Variants in OGDH observed in about 807,000 individuals in gnomAD.
OGDH encodes the protein oxoglutarate dehydrogenase.
In OGDH, 38 loss-of-function variants were observed where a neutral mutation model predicts 116.6. The observed-to-expected ratio is 0.33, with a 90% CI of 0.25 to 0.43. The LOEUF is 0.43. OGDH is among the 20% of genes least tolerant of loss of function. OGDH has a pLI of 1.00. For synonymous variants in OGDH, 488 were observed against 533.3 expected, an observed-to-expected ratio of 0.92 and a Z score of 1.17; for missense variants, 825 against 1,357.2, an observed-to-expected ratio of 0.61 and a Z score of 6.16.
chr7:44,688,764 G>A (rs1367507207), intron 10 of OGDH, among the ~76,000 whole-genome samples: 2 of 151,630 alleles, frequency 1.3e-5, no homozygotes, highest in Non-Finnish European at 2.9e-5. Flanking sequence ...TTTGTTTTTT[G>A]TGCCACCTAC....
intron 2 of OGDH, among the ~76,000 whole-genome samples, chr7:44,637,925 T>C (rs1029337297): frequency 6.6e-6 from 1 of 152,168 alleles, no homozygotes; most frequent in African/African-American, 2.4e-5. Context: ...CAGAATCCCA[T>C]AGCCCCTTGC....
chr7:44,707,505 A>C lies in OGDH; in HGVS notation c.2797-77A>C. ...CAGGTTCCTGACCTTCCCTGCTCGG[A>C]ACACCAGTTTCCCTTTGCTGGATCT... is the stretch of plus-strand genomic sequence containing the variant. On this transcript the variant is annotated intron_variant, in intron 21 of 22. Coordinates refer to ENST00000222673, the MANE Select transcript of OGDH (RefSeq NM_002541.4). The surrounding 1 kb of genome is among the most constrained non-coding windows in gnomAD (Gnocchi z 5.2). 1 of 1,599,468 alleles carries C rather than the reference A, an allele frequency of 6.3e-7. No individual in the cohort carries two copies. The highest frequency in any genetic ancestry group is 1.1e-5 in the South Asian group (1 of 89,554).
At chr7:44,668,010 C>G (rs1787259723) in intron 5 of OGDH, among the ~76,000 whole-genome samples, 1 of 152,174 alleles carries the variant, frequency 6.6e-6, no homozygotes. Flanking sequence ...GAACTGATAT[C>G]CAGGCCACAG....
At chr7:44,656,433 C>T in intron 4 of OGDH, 2 of 1,388,156 alleles carry the variant, frequency 1.4e-6, no homozygotes, top group South Asian at 2.5e-5. Context: ...GCAACTTTTC[C>T]TAGCATGCAA....
At chr7:44,695,343 G>A (rs1183249522) in intron 12 of OGDH, among the ~76,000 whole-genome samples, 1 of 152,104 alleles carries the variant, frequency 6.6e-6, no homozygotes, top group Non-Finnish European at 1.5e-5. Context: ...TGATCTGCCT[G>A]TCTTGGCCTC....
At chr7:44,649,184 A>G (rs1367395101) in intron 4 of OGDH, among the ~76,000 whole-genome samples, 1 of 150,752 alleles carries the variant, frequency 6.6e-6, no homozygotes, top group Non-Finnish European at 1.5e-5. Flanking sequence ...ACCTCTTCAG[A>G]GGAAAACCTC....
At chr7:44,651,027 C>T (rs576554569) in intron 4 of OGDH, among the ~76,000 whole-genome samples, 260 of 152,322 alleles carry the variant, frequency 1.7e-3, no homozygotes, top group Non-Finnish European at 2.3e-3. Flanking sequence ...TTGGTGCTTC[C>T]GTCAGAGCTT....
intron 1 of OGDH, among the ~76,000 whole-genome samples, chr7:44,618,066 C>G (rs539344616): frequency 6.6e-6 from 1 of 152,238 alleles, no homozygotes; most frequent in South Asian, 2.1e-4. Context: ...CGTTTAACAC[C>G]TAAAAACTAA....
At position 44,708,063 on chromosome 7, in the gene OGDH, A is replaced by T; in HGVS notation, c.*64A>T. 6.4e-7 allele frequency: 1 copy of T among 1,572,676 alleles called. No homozygotes were observed. Among genetic ancestry groups the T allele is most frequent in the Non-Finnish European group, 8.6e-7 (1 of 1,163,440 alleles). On this transcript the variant is annotated 3_prime_UTR_variant, in exon 23 of 23. Transcript: ENST00000222673. Reference sequence around the variant, plus strand: ...ACCCATGACTGCCCCTTGCTTCTCAACTAAAGAATAGTGCCTCAGCGCTGC... The same window carrying T: ...ACCCATGACTGCCCCTTGCTTCTCATCTAAAGAATAGTGCCTCAGCGCTGC...
At chr7:44,608,313 CGGGAGGATGGCATGAGCCA>C (rs1311525265) in intron 1 of OGDH, among the ~76,000 whole-genome samples, 1 of 151,970 alleles carries the variant, frequency 6.6e-6, no homozygotes, top group Non-Finnish European at 1.5e-5. Context: ...GAGGCTGAGG[CGGGAGGATGGCATGAGCCA>C]GGGAGGTCCA....
chr7:44,696,586 ATGT>A, intron 14 of OGDH, 29 bp downstream of exon 14: 1 of 1,613,716 alleles, frequency 6.2e-7, no homozygotes, highest in Non-Finnish European at 8.5e-7. Flanking sequence ...ACCTGTGGAA[ATGT>A]TGGGGCCCAG....
intron 9 of OGDH, among the ~76,000 whole-genome samples, chr7:44,679,583 G>A (rs1787842836): frequency 6.6e-6 from 1 of 152,206 alleles, no homozygotes; most frequent in Admixed American, 6.5e-5. Flanking sequence ...CGTAGGCTGA[G>A]GACACAGCAG....
At chr7:44,656,839 T>C (rs1786712132) in intron 4 of OGDH, among the ~76,000 whole-genome samples, 1 of 152,146 alleles carries the variant, frequency 6.6e-6, no homozygotes, top group Non-Finnish European at 1.5e-5. Context: ...CCAACTGAAG[T>C]ATTAATAAAA....
Position 44,694,309 on chromosome 7 carries a change from C to A in OGDH, c.1516-115C>A. 7.8e-7 allele frequency: 1 copy of A among 1,278,006 alleles called. No homozygotes were observed. 79.2% of individuals were successfully genotyped at this position (1,278,006 alleles called of 1,614,324 possible). On this transcript the variant is annotated intron_variant, in intron 11 of 22. Transcript: ENST00000222673. This position sits in a 1 kb window ranked among gnomAD's most constrained non-coding sequence, Gnocchi z 4.2. ...TAGAGAAGGTAAACTCCAGGGCAGG[C>A]ATGAGGAATGAAGAACGTGGCCATC...
In OGDH at chr7:44,707,972, C is replaced by T; in HGVS notation, c.3045C>T (p.Asp1015=). 1 of 1,613,760 alleles carries T rather than the reference C, an allele frequency of 6.2e-7. No individual in the cohort carries two copies. Among genetic ancestry groups the T allele is most frequent in the Non-Finnish European group, 8.5e-7 (1 of 1,180,000 alleles). ...ELQRLLDTAF[D]LDVFKNFS ...AGCGCCTCCTGGACACGGCCTTCGACCTGGACGTCTTCAAGAACTTCTCGT... is the reference window on the plus strand; with the variant it reads ...AGCGCCTCCTGGACACGGCCTTCGATCTGGACGTCTTCAAGAACTTCTCGT... The change falls in exon 23 of 23, where the codon GAC becomes GAT. Residue 1015 remains aspartate, a synonymous_variant. Transcript: ENST00000222673. This position sits in a 1 kb window ranked among gnomAD's most constrained non-coding sequence, Gnocchi z 5.2.
chr7:44,687,781 A>G (rs1025426368), intron 10 of OGDH, among the ~76,000 whole-genome samples: 1 of 152,070 alleles, frequency 6.6e-6, no homozygotes, highest in Non-Finnish European at 1.5e-5. Context: ...TTCACTTATC[A>G]TGTAATTTAC....
rs528564453 is a variant in OGDH at position 44,640,141 on chromosome 7, C to T, written c.223-5186C>T. 7.0e-4 allele frequency among the ~76,000 whole-genome samples: 107 copies of T among 152,330 alleles called. 1 individual carries two copies. The South Asian group carries it at 0.022, about 31-fold the overall frequency. On this transcript the variant is annotated intron_variant, in intron 2 of 22. Coordinates refer to ENST00000222673, the MANE Select transcript of OGDH (RefSeq NM_002541.4). ...ACCTTGTGATCCCAGGCATCAGTGG[C>T]TGGAAATTCCTTTCATTTTATTGTT...
At chr7:44,684,397 A>G (rs1239187058) in intron 10 of OGDH, among the ~76,000 whole-genome samples, 1 of 152,178 alleles carries the variant, frequency 6.6e-6, no homozygotes, top group African/African-American at 2.4e-5. Flanking sequence ...AAATAAGTAA[A>G]TATGCTCACT....
chr7:44,656,444 T>C, intron 4 of OGDH: 2 of 1,296,284 alleles, frequency 1.5e-6, no homozygotes, highest in Admixed American at 2.1e-5. Context: ...TAGCATGCAA[T>C]ATGGGGAAAG....
Sources: gnomAD v4.1 joint callset for allele counts (sites outside exome capture counted in the v4.1 genomes callset) on GRCh38, gnomAD v4.1.1 for gene constraint, Gnocchi (gnomAD v3.1) non-coding constraint, MANE v1.5 for transcripts, NCBI Gene and HGNC (gene_info 2026-07-23, HGNC 2026-07-21) for gene names.